TMEM131: variants seen among roughly 807,000 people sequenced by gnomAD.
TMEM131 encodes 2610524E03Rik.
TMEM131 carries 66 observed loss-of-function variants against 211.6 expected under a neutral mutation model. That is an observed-to-expected ratio of 0.31 (90% CI 0.26 to 0.38). TMEM131 has a LOEUF of 0.38. Among genes scored for constraint, TMEM131 ranks in the 10% least tolerant of loss-of-function variants. TMEM131 has a pLI of 1.00. For missense variants in TMEM131, 2,036 were observed against 2,299.3 expected, an observed-to-expected ratio of 0.89 and a Z score of 2.34; for synonymous variants, 844 against 841.3, an observed-to-expected ratio of 1.00 and a Z score of -0.06.
At chr2:97,815,350 C>A in intron 12 of TMEM131, 43 bp from the exon 13 acceptor site, 1 of 1,245,236 alleles carries the variant, frequency 8.0e-7, no homozygotes, top group Non-Finnish European at 1.1e-6. Context: ...CCTTTTACTA[C>A]CAAAGAGAAT....
chr2:97,779,431 G>A (rs528672461), intron 31 of TMEM131, among the ~76,000 whole-genome samples: 89 of 152,366 alleles, frequency 5.8e-4, no homozygotes, highest in Non-Finnish European at 1.0e-3. Context: ...GGCTGAAGCA[G>A]TAAGCTGACT....
chr2:97,792,453 G>A lies in TMEM131; in HGVS notation c.4077C>T (p.Asp1359=). 1 of 1,613,470 alleles carries A rather than the reference G, an allele frequency of 6.2e-7. No homozygotes were observed. The highest frequency in any genetic ancestry group is 8.5e-7 in the Non-Finnish European group (1 of 1,179,668). ...CTTCTAGGGCTGGGGAGTCATGGTG[G>A]TCGAAGTCTTTGTCCATGGCTTCTA... ...SLIEAMDKDF[D]HHDSPALEVF... Residue 1359 remains aspartate, a synonymous_variant, in exon 31 of 41, where the codon GAC becomes GAT. Coordinates refer to ENST00000186436, the MANE Select transcript of TMEM131 (RefSeq NM_015348.2).
chr2:97,843,909 ATTCTT>A (rs987926936), intron 6 of TMEM131, among the ~76,000 whole-genome samples: 1 of 152,174 alleles, frequency 6.6e-6, no homozygotes, highest in Non-Finnish European at 1.5e-5. Flanking sequence ...TTTTTTCACT[ATTCTT>A]TTGTCAATCT....
At chr2:97,791,482 C>T (rs1680495329) in intron 31 of TMEM131, among the ~76,000 whole-genome samples, 1 of 152,232 alleles carries the variant, frequency 6.6e-6, no homozygotes, top group African/African-American at 2.4e-5. Context: ...CATGACAGAC[C>T]TCTGGCCACA....
rs570935720 is a variant in TMEM131, at chr2:97,791,258, C to T, written c.4144+1128G>A. ...CTTCCAAGCTCCCAGTGGTGCCCAC[C>T]TCTTGGTATTTATGCCCTTGCGCGG... On this transcript the variant is annotated intron_variant, in intron 31 of 40. Coordinates refer to ENST00000186436, the MANE Select transcript of TMEM131 (RefSeq NM_015348.2). Among the ~76,000 whole-genome samples the T allele has an allele frequency of 4.6e-5, 7 of 152,316 alleles. No individual in the cohort carries two copies. The East Asian group carries it at 1.3e-3, about 29-fold the overall frequency.
chr2:97,938,558 G>A (rs1677558369), intron 1 of TMEM131, among the ~76,000 whole-genome samples: 1 of 152,138 alleles, frequency 6.6e-6, no homozygotes, highest in Non-Finnish European at 1.5e-5. Context: ...AAGAGACTTA[G>A]ACTCCCACAC....
At chr2:97,814,457 T>C in intron 13 of TMEM131, 69 bp from the exon 14 acceptor site, 2 of 1,381,792 alleles carry the variant, frequency 1.4e-6, no homozygotes, top group Non-Finnish European at 2.0e-6. Context: ...AAATCCAAGT[T>C]CTTCTGTTGT....
chr2:97,789,884 T>C (rs1278392389), intron 31 of TMEM131, among the ~76,000 whole-genome samples: 1 of 152,190 alleles, frequency 6.6e-6, no homozygotes, highest in Non-Finnish European at 1.5e-5. Context: ...CTGGGCATCA[T>C]CTTCCACTGG....
chr2:97,833,504 T>C (rs1025503230), intron 10 of TMEM131, 78 bp from the exon 11 acceptor site: 9 of 669,490 alleles, frequency 1.3e-5, no homozygotes, highest in Non-Finnish European at 2.3e-5. Context: ...TTATAAGATA[T>C]CAAATTGAAG....
At chr2:97,909,436 G>A (rs1199844044) in intron 2 of TMEM131, among the ~76,000 whole-genome samples, 1 of 152,132 alleles carries the variant, frequency 6.6e-6, no homozygotes, top group African/African-American at 2.4e-5. Context: ...ATGGGAAGAA[G>A]TTTGGTCTAC....
intron 4 of TMEM131, among the ~76,000 whole-genome samples, chr2:97,875,325 C>T (rs919818329): frequency 1.3e-5 from 2 of 152,168 alleles, no homozygotes; most frequent in East Asian, 1.9e-4. Context: ...AGAAAATTAA[C>T]AAGGATATTC....
chr2:97,944,059 C>T (rs947371163), intron 1 of TMEM131, among the ~76,000 whole-genome samples: 11 of 151,572 alleles, frequency 7.3e-5, no homozygotes, highest in Admixed American at 1.3e-4. Flanking sequence ...TCCAGCCTGG[C>T]GACAGAGCAA....
intron 25 of TMEM131, among the ~76,000 whole-genome samples, chr2:97,801,083 G>A (rs1681014580): frequency 6.6e-6 from 1 of 152,220 alleles, no homozygotes; most frequent in Non-Finnish European, 1.5e-5. Flanking sequence ...GGAGCTATGG[G>A]AAAGAATACA....
intron 35 of TMEM131, 186 bp from the exon 36 acceptor site, chr2:97,762,386 G>T: frequency 1.8e-6 from 1 of 558,086 alleles, no homozygotes; most frequent in Non-Finnish European, 3.1e-6. Flanking sequence ...CTCTGCACTC[G>T]GGGATTTGAG....
chr2:97,906,440 A>G (rs1483854012), intron 3 of TMEM131, among the ~76,000 whole-genome samples: 3 of 152,192 alleles, frequency 2.0e-5, no homozygotes, highest in Non-Finnish European at 4.4e-5. Flanking sequence ...GTAGGTACGG[A>G]GCTCTTTCTC....
chr2:97,773,327 A>G (rs1679555968), intron 32 of TMEM131, among the ~76,000 whole-genome samples: 1 of 152,196 alleles, frequency 6.6e-6, no homozygotes, highest in Non-Finnish European at 1.5e-5. Context: ...AAGAGGGCCC[A>G]GTTTCTCCTC....
intron 3 of TMEM131, among the ~76,000 whole-genome samples, chr2:97,890,708 T>TA (rs1343821974): frequency 6.6e-6 from 1 of 152,250 alleles, no homozygotes; most frequent in Non-Finnish European, 1.5e-5. Context: ...CCACTGCTGC[T>TA]ATATGTGCTG....
intron 11 of TMEM131, among the ~76,000 whole-genome samples, chr2:97,833,011 C>A (rs1180640424): frequency 6.6e-6 from 1 of 152,160 alleles, no homozygotes; most frequent in Non-Finnish European, 1.5e-5. Context: ...CCTGCCCATA[C>A]CTTAACTCCA....
rs57606185 is a variant in TMEM131 at position 97,981,028 on chromosome 2, C to CAAAAAAAAAAAAAAAAAAA, written c.187+14429_187+14447dup. On this transcript the variant is annotated intron_variant, in intron 1 of 40. Coordinates refer to ENST00000186436, the MANE Select transcript of TMEM131 (RefSeq NM_015348.2). ...TGCTGAAACTCACAGAACTACACACCAAAAAAAAAAAAAAAAAAAAAAAAA... is the reference window on the plus strand; with the variant it reads ...TGCTGAAACTCACAGAACTACACACCAAAAAAAAAAAAAAAAAAAAAAAAAAAAAAAAAAAAAAAAAAAA... Among the ~76,000 whole-genome samples, 70 of 37,970 alleles carry CAAAAAAAAAAAAAAAAAAA rather than the reference C, an allele frequency of 1.8e-3. 5 individuals carry two copies. Among genetic ancestry groups the CAAAAAAAAAAAAAAAAAAA allele is most frequent in the Non-Finnish European group, 2.3e-3 (49 of 21,684 alleles). The allele number at this position is 37,970 out of a possible 152,430, so 24.9% of individuals were successfully genotyped here. A position where few individuals can be genotyped will look rare whatever the true frequency, so the allele number is the denominator to read the frequency against.
Sources: allele counts gnomAD v4.1 joint callset (sites outside exome capture counted in the v4.1 genomes callset), GRCh38; gene constraint gnomAD v4.1.1; transcripts MANE v1.5; gene names NCBI Gene and HGNC (gene_info 2026-07-23, HGNC 2026-07-21).